PTPRE: variants seen among roughly 807,000 people sequenced by gnomAD.
PTPRE encodes the protein protein tyrosine phosphatase receptor type E.
A neutral mutation model predicts 102.0 loss-of-function variants in PTPRE; 51 were observed. The ratio of observed to expected loss-of-function variants is 0.50; its 90% CI spans 0.40 to 0.63. The LOEUF (loss-of-function observed/expected upper bound fraction) is 0.63, where lower values mean the gene tolerates loss of function less well. Among genes scored for constraint, PTPRE ranks in the 30% least tolerant of loss-of-function variants. The pLI, the probability that PTPRE is intolerant of heterozygous loss-of-function variation, is 0.00. For missense variants in PTPRE, 752 were observed against 915.1 expected (o/e 0.82, Z 2.30); for synonymous variants, 345 against 348.2 (o/e 0.99, Z 0.10).
At chr10:128,045,322 G>A (rs1848002906) in intron 3 of PTPRE, among the ~76,000 whole-genome samples, 1 of 152,192 alleles carries the variant, frequency 6.6e-6, no homozygotes, top group South Asian at 2.1e-4. Flanking sequence ...CCAGACCCAC[G>A]GAGGGCTGGT....
At chr10:128,076,566 T>G (rs1311903339) in intron 17 of PTPRE, 37 bp from the exon 18 acceptor site, 22 of 1,547,130 alleles carry the variant, frequency 1.4e-5, no homozygotes, top group Non-Finnish European at 1.7e-5. Context: ...AGCAAATTAT[T>G]TATTACAAGA....
chr10:127,936,429 A>C (rs994603743), intron 1 of PTPRE, among the ~76,000 whole-genome samples: 2 of 152,160 alleles, frequency 1.3e-5, no homozygotes, highest in East Asian at 3.8e-4. Context: ...TTATGGTATT[A>C]ATTAATAGTG....
intron 2 of PTPRE, chr10:127,987,401 G>A (rs1393607093): frequency 1.5e-5 from 19 of 1,242,324 alleles, no homozygotes; most frequent in Admixed American, 9.3e-5. Flanking sequence ...AAGAGGTAAC[G>A]GGGAGCTCAG....
At chr10:127,994,443 C>G (rs914609917) in intron 2 of PTPRE, among the ~76,000 whole-genome samples, 1 of 152,216 alleles carries the variant, frequency 6.6e-6, no homozygotes, top group South Asian at 2.1e-4. Flanking sequence ...TACCCATTTT[C>G]TCACCCGCAA....
rs1244633462 is a variant in PTPRE at position 128,069,685 on chromosome 10, C to T, written c.1008-7C>T. 1 of 1,614,086 alleles carries T rather than the reference C, an allele frequency of 6.2e-7. No homozygotes were observed. The highest frequency in any genetic ancestry group is 1.7e-5 in the Admixed American group (1 of 60,022). Reference sequence around the variant, plus strand: ...TCACGACGCAGCATCTTTCTCTTTCCCCAAAGCGCGGGCGTGGGCCGGACG... The same window carrying T: ...TCACGACGCAGCATCTTTCTCTTTCTCCAAAGCGCGGGCGTGGGCCGGACG... On this transcript the variant is annotated splice_polypyrimidine_tract_variant and splice_region_variant and intron_variant, in intron 12 of 20. Transcript: ENST00000254667.
intron 3 of PTPRE, among the ~76,000 whole-genome samples, chr10:128,044,170 G>A (rs1304263591): frequency 2.0e-5 from 3 of 152,226 alleles, no homozygotes; most frequent in African/African-American, 7.2e-5. Context: ...AAAGAGAACA[G>A]GTTCCTGAAC....
In PTPRE at chr10:127,944,923, C is replaced by A. The variant is rs184251373; in HGVS notation, c.-30-37351C>A. Among the ~76,000 whole-genome samples the A allele has an allele frequency of 6.6e-6, 1 of 152,050 alleles. No individual in the cohort carries two copies. Among genetic ancestry groups the A allele is most frequent in the Non-Finnish European group, 1.5e-5 (1 of 67,984 alleles). ...TTTAGATGTGTGGGGAAAAAGAGGG[C>A]GGCATCTAGAGTGACCCCCAGTGGG... is the stretch of plus-strand genomic sequence containing the variant. On this transcript the variant is annotated intron_variant, in intron 1 of 20. Coordinates refer to ENST00000254667, the MANE Select transcript of PTPRE (RefSeq NM_006504.6). This position sits in a 1 kb window ranked among gnomAD's most constrained non-coding sequence, Gnocchi z 4.2.
intron 2 of PTPRE, among the ~76,000 whole-genome samples, chr10:128,023,202 C>T (rs961894688): frequency 6.6e-6 from 1 of 151,356 alleles, no homozygotes; most frequent in African/African-American, 2.4e-5. Flanking sequence ...CTTACTGTGC[C>T]TGATTTATAA....
chr10:128,070,223 C>T lies in PTPRE; in HGVS notation c.1144-78C>T, dbSNP rs988189416. The T allele has an allele frequency of 4.0e-6, 6 of 1,490,110 alleles. No homozygotes were observed. In the African/African-American group the frequency reaches 5.6e-5, roughly 14 times the overall value. 92.3% of individuals were successfully genotyped at this position (1,490,110 alleles called of 1,614,324 possible). On this transcript the variant is annotated intron_variant, in intron 13 of 20. Transcript: ENST00000254667. This position sits in a 1 kb window ranked among gnomAD's most constrained non-coding sequence, Gnocchi z 4.8. Reference sequence around the variant, plus strand: ...AAGAGAAAAAGAAGAAAGCCGCCCTCTTTGGTCTGCCAAGCTCCACGTGGG... The same window carrying T: ...AAGAGAAAAAGAAGAAAGCCGCCCTTTTTGGTCTGCCAAGCTCCACGTGGG...
chr10:128,072,130 C>T lies in PTPRE; in HGVS notation c.1388-8C>T. 6.2e-7 allele frequency: 1 copy of T among 1,612,536 alleles called. No individual in the cohort carries two copies. Among genetic ancestry groups the T allele is most frequent in the South Asian group, 1.1e-5 (1 of 90,860 alleles). On this transcript the variant is annotated splice_region_variant and splice_polypyrimidine_tract_variant and intron_variant, in intron 15 of 20. Transcript: ENST00000254667. Reference sequence around the variant, plus strand: ...TTGTAATAACTAAAGGAAGATAATGCTTTGCAGATGACTTCAACCGAGTGA... The same window carrying T: ...TTGTAATAACTAAAGGAAGATAATGTTTTGCAGATGACTTCAACCGAGTGA...
At chr10:127,942,536 C>T (rs138261009) in intron 1 of PTPRE, among the ~76,000 whole-genome samples, 209 of 152,296 alleles carry the variant, frequency 1.4e-3, no homozygotes, top group African/African-American at 4.8e-3. Flanking sequence ...AATGCTGTTC[C>T]GTCCTAAAAA....
intron 8 of PTPRE, 90 bp downstream of exon 8, chr10:128,061,105 C>T: frequency 1.5e-6 from 2 of 1,323,260 alleles, no homozygotes. Flanking sequence ...TGTAAATTGT[C>T]ACAACCTTTC....
chr10:127,926,648 G>A (rs2135209883), intron 1 of PTPRE, among the ~76,000 whole-genome samples: 1 of 152,158 alleles, frequency 6.6e-6, no homozygotes, highest in South Asian at 2.1e-4. Context: ...CTAGCGACGG[G>A]CTCTGTGTGT....
chr10:127,990,411 C>CAAAAAAAAAAAAAAAA (rs60034358), intron 2 of PTPRE, among the ~76,000 whole-genome samples: 2 of 65,730 alleles, frequency 3.0e-5, no homozygotes, highest in African/African-American at 1.2e-4. Flanking sequence ...GACTCCACCT[C>CAAAAAAAAAAAAAAAA]AAAAAAAAAA....
chr10:127,999,605 C>A, intron 2 of PTPRE: 1 of 985,472 alleles, frequency 1.0e-6, no homozygotes, highest in Non-Finnish European at 1.2e-6. Context: ...AGCAGCTACA[C>A]TGGATTATAT....
At chr10:128,031,517 C>T (rs1846755428) in intron 2 of PTPRE, among the ~76,000 whole-genome samples, 1 of 152,204 alleles carries the variant, frequency 6.6e-6, no homozygotes, top group African/African-American at 2.4e-5. Context: ...GTTTTCCTGG[C>T]CAGGGTGTTT....
intron 2 of PTPRE, among the ~76,000 whole-genome samples, chr10:127,984,373 G>A (rs919341176): frequency 1.3e-5 from 2 of 152,062 alleles, no homozygotes; most frequent in African/African-American, 4.8e-5. Flanking sequence ...GAGCCACCGC[G>A]CCTGGCCCTG....
intron 6 of PTPRE, among the ~76,000 whole-genome samples, chr10:128,050,355 G>GGACA (rs1206337045): frequency 9.3e-5 from 3 of 32,260 alleles, no homozygotes; most frequent in African/African-American, 1.4e-4. Context: ...ATGGATGGAT[G>GGACA]GATGGATGGA....
chr10:128,044,857 A>C (rs1018895197), intron 3 of PTPRE, among the ~76,000 whole-genome samples: 1 of 152,280 alleles, frequency 6.6e-6, no homozygotes, highest in Non-Finnish European at 1.5e-5. Flanking sequence ...TTTAAAAAAA[A>C]TGTTTTTAAA....
Sources: gnomAD v4.1 joint callset for allele counts (sites outside exome capture counted in the v4.1 genomes callset) on GRCh38, gnomAD v4.1.1 for gene constraint, Gnocchi (gnomAD v3.1) non-coding constraint, MANE v1.5 for transcripts, NCBI Gene and HGNC (gene_info 2026-07-23, HGNC 2026-07-21) for gene names.